PPP2R3A: variants seen among roughly 807,000 people sequenced by gnomAD.
PPP2R3A encodes the protein protein phosphatase 2 regulatory subunit B''alpha, also known as serine/threonine-protein phosphatase 2A regulatory subunit B'' subunit alpha.
Under a neutral mutation model 106.9 loss-of-function variants are expected in PPP2R3A, and 80 were observed. The observed-to-expected ratio is 0.75, with a 90% confidence interval of 0.62 to 0.90. The LOEUF (loss-of-function observed/expected upper bound fraction) is 0.90, where lower values mean the gene tolerates loss of function less well. Ranked by LOEUF, PPP2R3A falls within the 40% of genes least tolerant of loss-of-function variation. PPP2R3A has a pLI of 0.00. For synonymous variants in PPP2R3A, 483 were observed against 468.3 expected (o/e 1.03, Z -0.41); for missense variants, 1,386 against 1,350.4 (o/e 1.03, Z -0.41).
At chr3:136,079,135 C>T (rs1008942313) in intron 7 of PPP2R3A, 5 of 449,630 alleles carry the variant, frequency 1.1e-5, no homozygotes, top group African/African-American at 6.0e-5. Flanking sequence ...TTTTTCCTAT[C>T]TTCATCTGAG....
intron 6 of PPP2R3A, among the ~76,000 whole-genome samples, chr3:136,072,791 A>G (rs1184937025): frequency 6.6e-6 from 1 of 152,276 alleles, no homozygotes; most frequent in Non-Finnish European, 1.5e-5. Flanking sequence ...ATTCTTAGAT[A>G]TTAAAGAACA....
At chr3:136,061,134 T>G (rs1422798165) in intron 5 of PPP2R3A, among the ~76,000 whole-genome samples, 1 of 152,058 alleles carries the variant, frequency 6.6e-6, no homozygotes, top group Non-Finnish European at 1.5e-5. Context: ...GCATAAGACC[T>G]GGAAACTAAA....
At chr3:136,037,830 T>C (rs1331110376) in intron 3 of PPP2R3A, among the ~76,000 whole-genome samples, 1 of 152,156 alleles carries the variant, frequency 6.6e-6, no homozygotes, top group Non-Finnish European at 1.5e-5. Context: ...TTTTCTTTGC[T>C]CCAGAACTTT....
chr3:136,002,204 T>G lies in PPP2R3A; in HGVS notation c.706T>G (p.Leu236Val). ...AGACATAAAGATGTGCTTGGACATC[T>G]TATTGAAATGCTCCGAGGATTTAAA... ...GTDIKMCLDI[L>V]LKCSEDLKKC... is the part of the protein sequence containing the mutation. The change falls in exon 2 of 14, where the codon TTA (leucine) becomes GTA (valine). Residue 236 changes from leucine (L) to valine (V), a missense_variant. Physicochemically the swap from Leu to Val is conservative, Grantham distance 32. Coordinates refer to ENST00000264977, the MANE Select transcript of PPP2R3A (RefSeq NM_002718.5). The G allele has an allele frequency of 6.2e-7, 1 of 1,613,496 alleles. No individual in the cohort carries two copies. The highest frequency in any genetic ancestry group is 8.5e-7 in the Non-Finnish European group (1 of 1,179,824).
At chr3:136,073,039 C>T (rs1208212164) in intron 6 of PPP2R3A, among the ~76,000 whole-genome samples, 1 of 152,192 alleles carries the variant, frequency 6.6e-6, no homozygotes, top group Non-Finnish European at 1.5e-5. Context: ...ACGGTCTCGG[C>T]TCACTGCAAG....
Position 136,145,129 on chromosome 3 carries a change from A to G in PPP2R3A, c.3416A>G (p.Glu1139Gly), listed in dbSNP as rs1939064274. 1 of 1,613,568 alleles carries G rather than the reference A, an allele frequency of 6.2e-7. No homozygotes were observed. Among genetic ancestry groups the G allele is most frequent in the Non-Finnish European group, 8.5e-7 (1 of 1,179,812 alleles). The change falls in exon 14 of 14, where the codon GAG becomes GGG. Residue 1139 changes from glutamate (E) to glycine (G), a missense_variant. By Grantham distance (98) the Glu-to-Gly change is moderately conservative. Coordinates refer to ENST00000264977, the MANE Select transcript of PPP2R3A (RefSeq NM_002718.5). ...SNKILSASLP[E>G]KCGKLQSVDE... ...AAAATATTAAGTGCAAGCCTTCCAG[A>G]GAAATGTGGAAAGCTTCAATCAGTG...
At chr3:136,136,907 C>G (rs1243600832) in intron 13 of PPP2R3A, among the ~76,000 whole-genome samples, 2 of 152,174 alleles carry the variant, frequency 1.3e-5, no homozygotes, top group African/African-American at 4.8e-5. Context: ...TGAGGTGAAG[C>G]AAGACCAAAG....
At chr3:136,026,703 C>G in intron 2 of PPP2R3A, 129 bp from the exon 3 acceptor site, 1 of 786,094 alleles carries the variant, frequency 1.3e-6, no homozygotes. Flanking sequence ...TGCTTACCAC[C>G]TTTAAGAGTA....
At position 136,067,699 on chromosome 3, in the gene PPP2R3A, C is replaced by CA. The variant is rs760294383; in HGVS notation, c.2470-2779_2470-2778insA. On this transcript the variant is annotated intron_variant, in intron 5 of 13. Coordinates refer to ENST00000264977, the MANE Select transcript of PPP2R3A (RefSeq NM_002718.5). ...AAGCTGAACAATATATGGAATCAAC[C>CA]TAAGTATTAGTGAATGAAGGCATAA... Among the ~76,000 whole-genome samples the CA allele has an allele frequency of 1.2e-4, 18 of 152,242 alleles. No homozygotes were observed. In the South Asian group the frequency reaches 3.7e-3, roughly 32 times the overall value.
In PPP2R3A at chr3:136,072,721, A is replaced by G. The variant is rs78431341; in HGVS notation, c.2544+2169A>G. On this transcript the variant is annotated intron_variant, in intron 6 of 13. Transcript: ENST00000264977. ...TTTAGATTCTTAAGAGTTAGAAAAG[A>G]TCTTAGAAATAAACTAGTCCAAACT... Among the ~76,000 whole-genome samples, 1,555 of 152,356 alleles carry G rather than the reference A, an allele frequency of 0.01. 76 individuals carry two copies. In the East Asian group the frequency reaches 0.16, roughly 16 times the overall value.
intron 3 of PPP2R3A, among the ~76,000 whole-genome samples, chr3:136,038,924 C>T (rs972377007): frequency 3.3e-5 from 5 of 152,208 alleles, no homozygotes; most frequent in African/African-American, 7.2e-5. Context: ...ATGAGATATT[C>T]GACCTCTGGA....
rs924787498 is a variant in PPP2R3A, at chr3:136,027,174, G to A, written c.2262+76G>A. 94 of 1,337,296 alleles carry A rather than the reference G, an allele frequency of 7.0e-5. 1 individual carries two copies. The highest frequency in any genetic ancestry group is 1.4e-4 in the Admixed American group (6 of 44,062). 82.8% of individuals were successfully genotyped at this position (1,337,296 alleles called of 1,614,324 possible). ...ATCCCCTCCCCTTCTCTAGAAACCC[G>A]GATCCCACCCCCCTTCACTGCCTCT... On this transcript the variant is annotated intron_variant, in intron 3 of 13. Coordinates refer to ENST00000264977, the MANE Select transcript of PPP2R3A (RefSeq NM_002718.5).
At chr3:136,016,888 C>T (rs890443921) in intron 2 of PPP2R3A, among the ~76,000 whole-genome samples, 1 of 151,826 alleles carries the variant, frequency 6.6e-6, no homozygotes, top group African/African-American at 2.4e-5. Context: ...GGGGTTTTTT[C>T]ATTGTGTTAT....
intron 13 of PPP2R3A, among the ~76,000 whole-genome samples, chr3:136,135,229 C>G (rs1484257297): frequency 6.6e-6 from 1 of 151,964 alleles, no homozygotes; most frequent in Non-Finnish European, 1.5e-5. Flanking sequence ...TTGCTGGATA[C>G]CCCACTTCTG....
intron 2 of PPP2R3A, among the ~76,000 whole-genome samples, chr3:136,026,094 AAAG>A (rs1399003408): frequency 5.3e-5 from 8 of 152,072 alleles, no homozygotes; most frequent in South Asian, 4.1e-4. Flanking sequence ...CATTTTTTTA[AAAG>A]AAGAAGAATA....
At chr3:135,991,112 C>T (rs1933141722) in intron 1 of PPP2R3A, among the ~76,000 whole-genome samples, 2 of 152,156 alleles carry the variant, frequency 1.3e-5, no homozygotes, top group South Asian at 4.1e-4. Flanking sequence ...CAGATCCCCT[C>T]TCTGGTGTGT....
chr3:136,059,322 A>G (rs1248280896), intron 5 of PPP2R3A, among the ~76,000 whole-genome samples: 3 of 152,212 alleles, frequency 2.0e-5, no homozygotes, highest in East Asian at 3.8e-4. Flanking sequence ...AGCAAAATAC[A>G]TGAACAAATA....
intron 13 of PPP2R3A, among the ~76,000 whole-genome samples, chr3:136,116,955 G>A (rs906726323): frequency 1.3e-5 from 2 of 152,070 alleles, no homozygotes; most frequent in African/African-American, 2.4e-5. Flanking sequence ...ACACCACATC[G>A]CACTTATTCT....
chr3:136,086,349 G>C (rs1009048169), intron 8 of PPP2R3A, among the ~76,000 whole-genome samples: 4 of 152,056 alleles, frequency 2.6e-5, no homozygotes, highest in African/African-American at 4.8e-5. Flanking sequence ...GGGTGTGGTG[G>C]TGCGTGCCTG....
Sources: allele counts gnomAD v4.1 joint callset (sites outside exome capture counted in the v4.1 genomes callset), GRCh38; gene constraint gnomAD v4.1.1; transcripts MANE v1.5; gene names NCBI Gene and HGNC (gene_info 2026-07-23, HGNC 2026-07-21).